The following SERINC5 variants were observed in gnomAD, a reference collection of about 807,000 sequenced individuals.
The protein encoded by SERINC5 is serine incorporator 5.
A neutral mutation model predicts 63.1 loss-of-function variants in SERINC5; 41 were observed. The observed-to-expected ratio is 0.65, with a 90% CI of 0.51 to 0.84. The LOEUF (loss-of-function observed/expected upper bound fraction) is 0.84, where lower values mean the gene tolerates loss of function less well. Among genes scored for constraint, SERINC5 ranks in the 40% least tolerant of loss-of-function variants. The pLI, the probability that SERINC5 is intolerant of heterozygous loss-of-function variation, is 0.00. For synonymous variants in SERINC5, 222 were observed against 215.2 expected, an observed-to-expected ratio of 1.03 and a Z score of -0.28; for missense variants, 523 against 573.0, an observed-to-expected ratio of 0.91 and a Z score of 0.89.
chr5:80,168,789 C>G (rs62364007), intron 6 of SERINC5, among the ~76,000 whole-genome samples: 3,424 of 152,264 alleles, frequency 0.022, 71 homozygotes, highest in Non-Finnish European at 0.032. Context: ...CAACAATGAG[C>G]AAGGTCAGGC....
chr5:80,122,261 T>C (rs1026043958), intron 11 of SERINC5, among the ~76,000 whole-genome samples: 48 of 150,384 alleles, frequency 3.2e-4, no homozygotes, highest in African/African-American at 1.2e-3. Context: ...CGTCCCACAA[T>C]AGGCCATCTG....
intron 2 of SERINC5, 27 bp from the exon 3 acceptor site, chr5:80,178,091 CT>C (rs1231705307): frequency 2.0e-6 from 3 of 1,506,510 alleles, no homozygotes; most frequent in Non-Finnish European, 2.7e-6. Flanking sequence ...GAAAAGTCAT[CT>C]GTTACAACTG....
intron 1 of SERINC5, among the ~76,000 whole-genome samples, chr5:80,246,401 T>C (rs1752171381): frequency 6.6e-6 from 1 of 152,214 alleles, no homozygotes; most frequent in African/African-American, 2.4e-5. Flanking sequence ...AGTCTGATTT[T>C]CCCATCTTCG....
intron 1 of SERINC5, among the ~76,000 whole-genome samples, chr5:80,212,544 T>C (rs993800396): frequency 3.3e-5 from 5 of 152,012 alleles, no homozygotes; most frequent in Admixed American, 1.3e-4. Context: ...GCAACATTCA[T>C]TGAAATTCTG....
chr5:80,161,908 T>A, intron 7 of SERINC5, among the ~76,000 whole-genome samples: 1 of 151,956 alleles, frequency 6.6e-6, no homozygotes, highest in Non-Finnish European at 1.5e-5. Context: ...GAGACAGGGG[T>A]TCGGTAGGGG....
At chr5:80,154,498 A>G (rs1746397964) in intron 8 of SERINC5, among the ~76,000 whole-genome samples, 1 of 152,090 alleles carries the variant, frequency 6.6e-6, no homozygotes, top group East Asian at 1.9e-4. Context: ...AAGATTTCTA[A>G]CTTGGAGATT....
At chr5:80,155,433 C>T (rs1580076071) in intron 8 of SERINC5, among the ~76,000 whole-genome samples, 1 of 152,014 alleles carries the variant, frequency 6.6e-6, no homozygotes, top group Non-Finnish European at 1.5e-5. Flanking sequence ...GGCATGGTGG[C>T]GTGGTGGCAC....
At chr5:80,165,021 G>A (rs1291067162) in intron 7 of SERINC5, among the ~76,000 whole-genome samples, 3 of 144,634 alleles carry the variant, frequency 2.1e-5, no homozygotes, top group Non-Finnish European at 4.5e-5. Flanking sequence ...TAGATTACAG[G>A]CATGTGCCAC....
At chr5:80,159,404 T>C (rs893441413) in intron 7 of SERINC5, among the ~76,000 whole-genome samples, 1 of 152,096 alleles carries the variant, frequency 6.6e-6, no homozygotes, top group Non-Finnish European at 1.5e-5. Flanking sequence ...CGTGGTATCT[T>C]TCTGTCTGTA....
At chr5:80,190,105 ACTTTT>A (rs1343457637) in intron 2 of SERINC5, among the ~76,000 whole-genome samples, 1 of 101,866 alleles carries the variant, frequency 9.8e-6, no homozygotes, top group African/African-American at 3.8e-5. Flanking sequence ...TGTCTCCCGT[ACTTTT>A]TTTTTTTTTT....
At chr5:80,214,093 A>G (rs1026328242) in intron 1 of SERINC5, among the ~76,000 whole-genome samples, 4 of 152,212 alleles carry the variant, frequency 2.6e-5, no homozygotes, top group African/African-American at 4.8e-5. Context: ...GTTGTAGAAT[A>G]TAATACACCC....
chr5:80,189,895 A>G (rs2112455255), intron 2 of SERINC5, among the ~76,000 whole-genome samples: 1 of 152,098 alleles, frequency 6.6e-6, no homozygotes, highest in South Asian at 2.1e-4. Context: ...CTTTTTGTAG[A>G]GACAGGGTTT....
intron 1 of SERINC5, 78 bp downstream of exon 1, chr5:80,255,818 A>G: frequency 1.4e-6 from 2 of 1,458,244 alleles, no homozygotes; most frequent in Non-Finnish European, 1.9e-6. Flanking sequence ...GAGCGCACCC[A>G]GGCAGGTCCT....
chr5:80,253,248 C>T (rs898817556), intron 1 of SERINC5, among the ~76,000 whole-genome samples: 1 of 152,206 alleles, frequency 6.6e-6, no homozygotes, highest in Non-Finnish European at 1.5e-5. Context: ...TAAGGTACCA[C>T]GCTGTCTCCT....
At chr5:80,190,359 A>G (rs1057340505) in intron 2 of SERINC5, among the ~76,000 whole-genome samples, 1 of 152,008 alleles carries the variant, frequency 6.6e-6, no homozygotes, top group African/African-American at 2.4e-5. Flanking sequence ...TGATCCTCCC[A>G]TCTTGGTCTG....
intron 8 of SERINC5, chr5:80,157,500 C>G (rs1354995545): frequency 6.6e-6 from 1 of 151,210 alleles, no homozygotes; most frequent in Non-Finnish European, 1.5e-5. Flanking sequence ...GCTGGGACCA[C>G]AGGCACGTGC....
chr5:80,174,915 T>G (rs878965510), intron 5 of SERINC5, 39 bp downstream of exon 5: 6 of 1,463,232 alleles, frequency 4.1e-6, no homozygotes, highest in Non-Finnish European at 5.6e-6. Context: ...CTGGGCAGTT[T>G]CTGTGAGTCA....
At chr5:80,195,206 A>G (rs916237806) in intron 2 of SERINC5, among the ~76,000 whole-genome samples, 5 of 151,964 alleles carry the variant, frequency 3.3e-5, no homozygotes, top group African/African-American at 1.2e-4. Context: ...GAATCCCTTG[A>G]ACCTGGGAGG....
At chr5:80,199,861 T>C (rs1012625572) in intron 2 of SERINC5, among the ~76,000 whole-genome samples, 1 of 152,178 alleles carries the variant, frequency 6.6e-6, no homozygotes, top group African/African-American at 2.4e-5. Context: ...TCAAGCCACC[T>C]TAATGGATTT....
Sources: allele counts gnomAD v4.1 joint callset (sites outside exome capture counted in the v4.1 genomes callset), GRCh38; gene constraint gnomAD v4.1.1; transcripts MANE v1.5; gene names NCBI Gene and HGNC (gene_info 2026-07-23, HGNC 2026-07-21).